ADAM10: variants seen among roughly 807,000 people sequenced by gnomAD.
ADAM10 encodes disintegrin and metalloproteinase domain-containing protein 10.
Under a neutral mutation model 90.1 loss-of-function variants are expected in ADAM10, and 17 were observed. That is an observed-to-expected ratio of 0.19 (90% confidence interval 0.13 to 0.28). The LOEUF (loss-of-function observed/expected upper bound fraction) is 0.28. Ranked by LOEUF, ADAM10 falls within the 10% of genes least tolerant of loss-of-function variation. The pLI is 1.00. For missense variants in ADAM10, 610 were observed against 914.3 expected (o/e 0.67, Z 4.29); for synonymous variants, 310 against 298.6 (o/e 1.04, Z -0.40).
At chr15:58,668,314 G>T (rs941110318) in intron 4 of ADAM10, among the ~76,000 whole-genome samples, 2 of 152,102 alleles carry the variant, frequency 1.3e-5, no homozygotes, top group African/African-American at 2.4e-5. Flanking sequence ...ACTTACAACT[G>T]ACACTTGGAA....
intron 5 of ADAM10, among the ~76,000 whole-genome samples, chr15:58,660,597 A>G (rs1197579314): frequency 3.3e-5 from 5 of 152,196 alleles, no homozygotes; most frequent in African/African-American, 1.2e-4. Context: ...TAATGCAGTC[A>G]TCAATATGGT....
intron 5 of ADAM10, among the ~76,000 whole-genome samples, chr15:58,652,330 TGGG>T (rs2140706887): frequency 6.6e-6 from 1 of 152,288 alleles, no homozygotes; most frequent in South Asian, 2.1e-4. Flanking sequence ...CACATGAAAG[TGGG>T]GAGTTTCTTC....
chr15:58,642,205 G>A (rs1214272614), intron 7 of ADAM10, among the ~76,000 whole-genome samples: 7 of 152,154 alleles, frequency 4.6e-5, no homozygotes, highest in Non-Finnish European at 1.0e-4. Context: ...AGTGGCTCAC[G>A]CCTGTAATCC....
chr15:58,749,010 A>G (rs1489366037), intron 1 of ADAM10: 2 of 399,090 alleles, frequency 5.0e-6, no homozygotes, highest in Non-Finnish European at 8.8e-6. Flanking sequence ...GGCGGAGAGG[A>G]CTTCGGAATC....
chr15:58,659,506 G>C (rs950008390), intron 5 of ADAM10, among the ~76,000 whole-genome samples: 1 of 152,050 alleles, frequency 6.6e-6, no homozygotes, highest in South Asian at 2.1e-4. Context: ...TTATGTGGTG[G>C]ATTACACAAA....
intron 2 of ADAM10, among the ~76,000 whole-genome samples, chr15:58,685,498 A>AAAG (rs35322808): frequency 0.45 from 64,736 of 144,624 alleles, 17,257 homozygotes; most frequent in East Asian, 0.84. Context: ...AGATACAAAA[A>AAAG]AGAATATAGT....
chr15:58,682,302 T>G lies in ADAM10; in HGVS notation c.219A>C (p.Leu73=). The G allele has an allele frequency of 1.2e-6, 2 of 1,612,688 alleles. No individual in the cohort carries two copies. Among genetic ancestry groups the G allele is most frequent in the Non-Finnish European group, 1.7e-6 (2 of 1,179,352 alleles). The change falls in exon 3 of 16, where the codon CTA becomes CTC. Residue 73 remains leucine, a synonymous_variant. Transcript: ENST00000260408. ...AAAGGGAAGTGTCCCTCTTCATTCGTAGGTTGAAATGTCTGTAAAATGGGA... is the reference window on the plus strand; with the variant it reads ...AAAGGGAAGTGTCCCTCTTCATTCGGAGGTTGAAATGTCTGTAAAATGGGA... ...DFHAHGRHFN[L]RMKRDTSLFS... is the part of the protein sequence containing the mutation.
intron 2 of ADAM10, among the ~76,000 whole-genome samples, chr15:58,711,010 T>C (rs1898455969): frequency 6.6e-6 from 1 of 152,230 alleles, no homozygotes; most frequent in Non-Finnish European, 1.5e-5. Flanking sequence ...GGCCATATTC[T>C]TGAAACCTTC....
intron 6 of ADAM10, 39 bp from the exon 7 acceptor site, chr15:58,644,017 G>T: frequency 7.2e-7 from 1 of 1,398,296 alleles, no homozygotes; most frequent in African/African-American, 1.4e-5. Context: ...AGGCAATGTT[G>T]AAATATGAAA....
chr15:58,624,116 T>C (rs962053886), intron 10 of ADAM10, among the ~76,000 whole-genome samples: 1 of 151,656 alleles, frequency 6.6e-6, no homozygotes, highest in African/African-American at 2.4e-5. Flanking sequence ...AAACCCCGTC[T>C]CTCCTAAAAA....
rs574273366 is a variant in ADAM10, at chr15:58,724,544, C to G, written c.56-6817G>C. ...AGGCCAAATGACAGGGAGAAGAAACCAAGAGCCTGAAGTTTCCACTTAATT... is the reference window on the plus strand; with the variant it reads ...AGGCCAAATGACAGGGAGAAGAAACGAAGAGCCTGAAGTTTCCACTTAATT... On this transcript the variant is annotated intron_variant, in intron 1 of 15. Transcript: ENST00000260408. 3.3e-5 allele frequency among the ~76,000 whole-genome samples: 5 copies of G among 152,304 alleles called. No homozygotes were observed. In the South Asian group the frequency reaches 1.0e-3, roughly 32 times the overall value.
chr15:58,705,145 C>T (rs538737114), intron 2 of ADAM10, among the ~76,000 whole-genome samples: 40 of 152,324 alleles, frequency 2.6e-4, no homozygotes, highest in African/African-American at 9.1e-4. Context: ...TATGGCTAAA[C>T]TCTGTCCACT....
chr15:58,722,726 CTTTTTTTTTT>C (rs71116592), intron 1 of ADAM10, among the ~76,000 whole-genome samples: 3 of 104,002 alleles, frequency 2.9e-5, no homozygotes, highest in South Asian at 3.7e-4. Flanking sequence ...AATTTGAGAA[CTTTTTTTTTT>C]TTTTTTTTTT....
intron 1 of ADAM10, among the ~76,000 whole-genome samples, chr15:58,741,977 C>T (rs1001630855): frequency 2.6e-5 from 4 of 152,308 alleles, no homozygotes; most frequent in South Asian, 2.1e-4. Flanking sequence ...TTCTCTTCCA[C>T]CTCAGAAAGC....
chr15:58,664,531 C>G (rs1420532066), intron 5 of ADAM10, among the ~76,000 whole-genome samples: 10 of 152,086 alleles, frequency 6.6e-5, no homozygotes, highest in African/African-American at 2.4e-4. Flanking sequence ...ATAACTCTAC[C>G]ATACTACTTT....
chr15:58,599,574 T>C (rs200630085), intron 15 of ADAM10, 24 bp downstream of exon 15: 10 of 1,611,452 alleles, frequency 6.2e-6, no homozygotes, highest in South Asian at 3.3e-5. Flanking sequence ...TACATAAATA[T>C]GTATCTTGCT....
intron 12 of ADAM10, 98 bp downstream of exon 12, chr15:58,611,710 G>T (rs1475095645): frequency 2.5e-6 from 3 of 1,183,162 alleles, no homozygotes; most frequent in Non-Finnish European, 3.6e-6. Flanking sequence ...CAGAGACCAA[G>T]ATTAATTACT....
intron 4 of ADAM10, among the ~76,000 whole-genome samples, chr15:58,676,584 C>T (rs1176799324): frequency 6.6e-6 from 1 of 151,898 alleles, no homozygotes; most frequent in Non-Finnish European, 1.5e-5. Flanking sequence ...AAGAAAAAAT[C>T]AAAAGAATGA....
intron 1 of ADAM10, among the ~76,000 whole-genome samples, chr15:58,722,110 C>T (rs1252213984): frequency 6.6e-6 from 1 of 150,644 alleles, no homozygotes; most frequent in Non-Finnish European, 1.5e-5. Flanking sequence ...AAGGCCGAGG[C>T]GAGTGGATCA....
Sources: allele counts gnomAD v4.1 joint callset (sites outside exome capture counted in the v4.1 genomes callset), GRCh38; gene constraint gnomAD v4.1.1; transcripts MANE v1.5; gene names NCBI Gene and HGNC (gene_info 2026-07-23, HGNC 2026-07-21).